Variants in DENND4B observed in about 807,000 individuals in gnomAD.
DENND4B encodes the protein DENN domain-containing protein 4B.
Under a neutral mutation model 161.0 loss-of-function variants are expected in DENND4B, and 67 were observed. The observed-to-expected ratio is 0.42, with a 90% CI of 0.34 to 0.51. The LOEUF is 0.51. Ranked by LOEUF, DENND4B falls within the 20% of genes least tolerant of loss-of-function variation. The pLI is 0.08. For missense variants in DENND4B, 1,481 were observed against 1,968.0 expected (o/e 0.75, Z 4.68); for synonymous variants, 753 against 813.8 (o/e 0.93, Z 1.27).
At position 153,944,151 on chromosome 1, in the gene DENND4B, T is replaced by C; in HGVS notation, c.224A>G (p.His75Arg). ...YTCIQASAGG[H>R]PLELSAGLLG... ...AAGTCCAGCACTGAGTTCCAAGGGG[T>C]GGCCCCCAGCAGAAGCCTGGATGCA... is the stretch of plus-strand genomic sequence containing the variant. Residue 75 changes from histidine (H) to arginine (R), a missense_variant, in exon 2 of 28, where the codon CAC (histidine) becomes CGC (arginine). Physicochemically the swap from His to Arg is conservative, Grantham distance 29 (BLOSUM62 0). Coordinates refer to ENST00000361217, the MANE Select transcript of DENND4B (RefSeq NM_014856.3). The surrounding 1 kb of genome is among the most constrained non-coding windows in gnomAD (Gnocchi z 4.8). The C allele has an allele frequency of 6.2e-7, 1 of 1,612,148 alleles. No homozygotes were observed. Among genetic ancestry groups the C allele is most frequent in the African/African-American group, 1.3e-5 (1 of 74,786 alleles).
rs1402646101 is a variant in DENND4B at position 153,930,512 on chromosome 1, T to A, written c.4345+27A>T. ...CACACCTGGCCCCAGATCCCTAAAC[T>A]CCTCAGCCCCTTGCCTGCAATCTCA... is the stretch of plus-strand genomic sequence containing the variant. On this transcript the variant is annotated intron_variant, in intron 27 of 27. Coordinates refer to ENST00000361217, the MANE Select transcript of DENND4B (RefSeq NM_014856.3). The surrounding 1 kb of genome is among the most constrained non-coding windows in gnomAD (Gnocchi z 4.7). 2 of 1,613,750 alleles carry A rather than the reference T, an allele frequency of 1.2e-6. No homozygotes were observed. The highest frequency in any genetic ancestry group is 1.7e-6 in the Non-Finnish European group (2 of 1,179,820).
intron 11 of DENND4B, 117 bp from the exon 12 acceptor site, chr1:153,939,921 T>A: frequency 2.0e-6 from 2 of 1,017,004 alleles, no homozygotes; most frequent in Non-Finnish European, 2.9e-6. Flanking sequence ...CAGTAGCAAC[T>A]AAAGTATTAC....
At chr1:153,935,172 G>T in intron 17 of DENND4B, 3 of 911,304 alleles carry the variant, frequency 3.3e-6, no homozygotes, top group Non-Finnish European at 4.7e-6. Flanking sequence ...GAACCCAGAG[G>T]CAGTGGAGAA....
At chr1:153,941,335 C>G (rs1679656473) in intron 7 of DENND4B, 39 bp downstream of exon 7, 1 of 1,613,488 alleles carries the variant, frequency 6.2e-7, no homozygotes, top group African/African-American at 1.3e-5. Context: ...ATGCCAACTC[C>G]CCTCCTTCCA....
chr1:153,942,214 A>G lies in DENND4B; in HGVS notation c.783T>C (p.Phe261=). ...TKYPVPVFST[F]VLTGAAGDKV... is the part of the protein sequence containing the mutation. ...TATCACCAGCTGCACCCGTGAGCAC[A>G]AAGGTGGAGAAGACGGGCACGGGGT... is the stretch of plus-strand genomic sequence containing the variant. The change falls in exon 5 of 28, where the codon TTT becomes TTC. Residue 261 remains phenylalanine, a synonymous_variant. Transcript: ENST00000361217. This position sits in a 1 kb window ranked among gnomAD's most constrained non-coding sequence, Gnocchi z 6.9. The G allele has an allele frequency of 1.2e-6, 2 of 1,613,952 alleles. No individual in the cohort carries two copies. The highest frequency in any genetic ancestry group is 1.7e-6 in the Non-Finnish European group (2 of 1,179,864).
Position 153,934,856 on chromosome 1 carries a change from C to T in DENND4B, c.2677G>A (p.Glu893Lys), listed in dbSNP as rs1172567444. Residue 893 changes from glutamate (E) to lysine (K), a missense_variant, in exon 18 of 28, where the codon GAA becomes AAA. Physicochemically the swap from Glu to Lys is moderately conservative, Grantham distance 56. This residue lies in a region of DENND4B where 339 missense variants were observed against 330.3 expected (regional missense o/e 1.03). Coordinates refer to ENST00000361217, the MANE Select transcript of DENND4B (RefSeq NM_014856.3). This position sits in a 1 kb window ranked among gnomAD's most constrained non-coding sequence, Gnocchi z 5.3. ...GAAQFRQPLR[E>K]RQQQQQQQQQ... ...TGCTGCTGCTGCTGCTGTTGCCGTT[C>T]TCTCAAGGGCTGGCGGAACTGAGCA... The T allele has an allele frequency of 1.9e-6, 3 of 1,613,370 alleles. No homozygotes were observed. The highest frequency in any genetic ancestry group is 2.5e-6 in the Non-Finnish European group (3 of 1,179,816).
chr1:153,932,260 G>A lies in DENND4B; in HGVS notation c.3940C>T (p.Pro1314Ser). The A allele has an allele frequency of 6.2e-7, 1 of 1,614,012 alleles. No individual in the cohort carries two copies. Among genetic ancestry groups the A allele is most frequent in the Non-Finnish European group, 8.5e-7 (1 of 1,179,888 alleles). ...AGCACCAGGCCTGGTAGAATACTGG[G>A]CAGGCGTAGCCGTTGGAAATACCAC... ...LLWYFQRLRL[P>S]SILPGLVLAS... The change falls in exon 24 of 28, where the codon CCC becomes TCC. Residue 1314 changes from proline (P) to serine (S), a missense_variant. Coordinates refer to ENST00000361217, the MANE Select transcript of DENND4B (RefSeq NM_014856.3). The surrounding 1 kb of genome is among the most constrained non-coding windows in gnomAD (Gnocchi z 5.8).
intron 1 of DENND4B, chr1:153,945,250 G>T (rs1161811888): frequency 1.6e-5 from 17 of 1,083,688 alleles, no homozygotes; most frequent in Non-Finnish European, 2.0e-5. Flanking sequence ...CCAGAAGCGT[G>T]GGGGGTGCTT....
chr1:153,945,312 C>CA, intron 1 of DENND4B: 1 of 488,788 alleles, frequency 2.0e-6, no homozygotes, highest in Non-Finnish European at 3.5e-6. Context: ...AGCTGCAACT[C>CA]AGAGGAAGTC....
chr1:153,941,781 C>T (rs1679684410), intron 6 of DENND4B, 88 bp downstream of exon 6: 10 of 656,122 alleles, frequency 1.5e-5, no homozygotes, highest in Non-Finnish European at 2.3e-5. Flanking sequence ...CCCAGCCCTC[C>T]CCCCACCCAC....
rs765084572 is a variant in DENND4B at position 153,933,452 on chromosome 1, T to TA, written c.3330+30dup. On this transcript the variant is annotated intron_variant, in intron 20 of 27. Coordinates refer to ENST00000361217, the MANE Select transcript of DENND4B (RefSeq NM_014856.3). The surrounding 1 kb of genome is among the most constrained non-coding windows in gnomAD (Gnocchi z 5.7). The stretch of plus-strand genomic sequence containing the variant: ...AGCCCCTCCCCAAGCCCACTAATGC[T>TA]AAGGCATCTGGACCCTCCTTCACTG... 1 of 1,584,030 alleles carries TA rather than the reference T, an allele frequency of 6.3e-7. No homozygotes were observed. Among genetic ancestry groups the TA allele is most frequent in the East Asian group, 2.2e-5 (1 of 44,686 alleles).
rs1331473919 is a variant in DENND4B, at chr1:153,936,954, G to A, written c.2233-206C>T. Among the ~76,000 whole-genome samples, 1 of 152,140 alleles carries A rather than the reference G, an allele frequency of 6.6e-6. No individual in the cohort carries two copies. The highest frequency in any genetic ancestry group is 2.1e-4 in the South Asian group (1 of 4,832). The stretch of plus-strand genomic sequence containing the variant: ...GTAGCTGGGACGCACCACCAAGCCC[G>A]ACTGATTGTTTTGTACTTTTTGTAA... On this transcript the variant is annotated intron_variant, in intron 15 of 27. Coordinates refer to ENST00000361217, the MANE Select transcript of DENND4B (RefSeq NM_014856.3). The surrounding 1 kb of genome is among the most constrained non-coding windows in gnomAD (Gnocchi z 4.1).
Position 153,943,260 on chromosome 1 carries a change from G to A in DENND4B, c.318-130C>T, listed in dbSNP as rs538147784. 5 of 1,292,292 alleles carry A rather than the reference G, an allele frequency of 3.9e-6. No individual in the cohort carries two copies. In the South Asian group the frequency reaches 5.8e-5, roughly 15 times the overall value. 80.1% of individuals were successfully genotyped at this position (1,292,292 alleles called of 1,614,324 possible). A position where few individuals can be genotyped will look rare whatever the true frequency, so the allele number is the denominator to read the frequency against. The stretch of plus-strand genomic sequence containing the variant: ...ACAGCCTTGTCAAACTCTAACACTA[G>A]GGCCCACCTCTTCTTGCTGAACTCT... On this transcript the variant is annotated intron_variant, in intron 2 of 27. Transcript: ENST00000361217.
chr1:153,943,443 C>T (rs1679785622), intron 2 of DENND4B, among the ~76,000 whole-genome samples: 1 of 152,122 alleles, frequency 6.6e-6, no homozygotes, highest in Non-Finnish European at 1.5e-5. Flanking sequence ...TTTGGGAGGC[C>T]AAGGCAGGTG....
chr1:153,930,881 C>G lies in DENND4B; in HGVS notation c.4115-24G>C, dbSNP rs769897190. The G allele has an allele frequency of 5.0e-6, 8 of 1,595,264 alleles. No individual in the cohort carries two copies. The South Asian group carries it at 8.0e-5, about 16-fold the overall frequency. On this transcript the variant is annotated intron_variant, in intron 25 of 27. Transcript: ENST00000361217. This position sits in a 1 kb window ranked among gnomAD's most constrained non-coding sequence, Gnocchi z 4.7. ...GCCTGGATGAAAGGAAAGAAGGCCA[C>G]CAGAATCACTGAGCCCTCTGGGTAT...
Position 153,939,719 on chromosome 1 carries a change from C to T in DENND4B, c.1689G>A (p.Glu563=). The change falls in exon 12 of 28, where the codon GAG becomes GAA. Residue 563 remains glutamate, a synonymous_variant. Coordinates refer to ENST00000361217, the MANE Select transcript of DENND4B (RefSeq NM_014856.3). ...GGAGGAAGGCTCCTTGGACTTCGCG[C>T]TCCAGCCGGGCCCTGCGGCCACACA... ...EAVCGRRARL[E]REVQGAFLRF... is the part of the protein sequence containing the mutation. 6.2e-7 allele frequency: 1 copy of T among 1,613,996 alleles called. No individual in the cohort carries two copies. Among genetic ancestry groups the T allele is most frequent in the Non-Finnish European group, 8.5e-7 (1 of 1,179,892 alleles).
rs1261775004 is a variant in DENND4B, at chr1:153,941,365, A to T, written c.1122+9T>A. The T allele has an allele frequency of 2.5e-6, 4 of 1,613,546 alleles. No homozygotes were observed. In the East Asian group the frequency reaches 8.9e-5, roughly 36 times the overall value. On this transcript the variant is annotated intron_variant, in intron 7 of 27. Transcript: ENST00000361217. ...CTTCCATCAGCCCGGCCCCAGCCTC[A>T]GCTCTCACCTGCACTAGGATGCGGG...
At chr1:153,941,780 C>CGGGGG in intron 6 of DENND4B, 89 bp downstream of exon 6, 1 of 558,834 alleles carries the variant, frequency 1.8e-6, no homozygotes, top group Non-Finnish European at 3.2e-6. Flanking sequence ...GCCCAGCCCT[C>CGGGGG]CCCCCACCCA....
chr1:153,931,625 G>A (rs551472457), intron 24 of DENND4B, among the ~76,000 whole-genome samples: 3 of 151,526 alleles, frequency 2.0e-5, no homozygotes, highest in South Asian at 2.1e-4. Context: ...AGCCTCCCGA[G>A]TAGCTGGGAC....
Sources: allele counts gnomAD v4.1 joint callset (sites outside exome capture counted in the v4.1 genomes callset), GRCh38; gene constraint gnomAD v4.1.1; regional missense constraint gnomAD v4.1.1; non-coding constraint Gnocchi (gnomAD v3.1); transcripts MANE v1.5; gene names NCBI Gene and HGNC (gene_info 2026-07-23, HGNC 2026-07-21).